The following SLIT3 variants were observed in gnomAD, a reference collection of about 807,000 sequenced individuals.
The protein encoded by SLIT3 is slit guidance ligand 3.
SLIT3 carries 68 observed loss-of-function variants against 184.0 expected under a neutral mutation model. The observed-to-expected ratio is 0.37, with a 90% CI of 0.30 to 0.45. The LOEUF (loss-of-function observed/expected upper bound fraction) is 0.45, where lower values mean the gene tolerates loss of function less well. Ranked by LOEUF, SLIT3 falls within the 20% of genes least tolerant of loss-of-function variation. The probability of loss-of-function intolerance (pLI) is 1.00; values close to 1 mark genes in which losing one functional copy is unlikely to be tolerated. For missense variants in SLIT3, 1,707 were observed against 2,026.0 expected (o/e 0.84, Z 3.02); for synonymous variants, 831 against 828.6 (o/e 1.00, Z -0.05).
At chr5:168,768,350 CGTG>C (rs1561922078) in intron 14 of SLIT3, 1 of 460,168 alleles carries the variant, frequency 2.2e-6, no homozygotes, top group Non-Finnish European at 4.4e-6. Context: ...CCCCACTGAG[CGTG>C]ATTAGTATCA....
chr5:169,031,295 T>C (rs897567555), intron 4 of SLIT3, among the ~76,000 whole-genome samples: 2 of 152,194 alleles, frequency 1.3e-5, no homozygotes, highest in Admixed American at 1.3e-4. Context: ...GTTGAGTTAC[T>C]ATGTGCTAAG....
At chr5:168,864,593 C>T (rs1238742154) in intron 5 of SLIT3, among the ~76,000 whole-genome samples, 1 of 152,206 alleles carries the variant, frequency 6.6e-6, no homozygotes, top group African/African-American at 2.4e-5. Context: ...TACCAATTGG[C>T]ATTCCCACCG....
At chr5:168,787,205 C>T (rs895994299) in intron 11 of SLIT3, among the ~76,000 whole-genome samples, 8 of 152,214 alleles carry the variant, frequency 5.3e-5, no homozygotes, top group African/African-American at 1.9e-4. Flanking sequence ...AATGCCCCAC[C>T]GCTCACTGTG....
At chr5:169,119,778 C>T (rs1198884993) in intron 4 of SLIT3, 2 of 152,198 alleles carry the variant, frequency 1.3e-5, no homozygotes, top group Non-Finnish European at 2.9e-5. Flanking sequence ...CAGCGCTCAC[C>T]TGAGTTGCTA....
chr5:169,237,700 T>G (rs1765252340), intron 3 of SLIT3, among the ~76,000 whole-genome samples: 1 of 152,210 alleles, frequency 6.6e-6, no homozygotes, highest in Admixed American at 6.5e-5. Flanking sequence ...CAGCTGTATA[T>G]CCTCTTCAAT....
chr5:168,892,726 T>C (rs1301312791), intron 4 of SLIT3, among the ~76,000 whole-genome samples: 2 of 152,254 alleles, frequency 1.3e-5, no homozygotes, highest in Admixed American at 1.3e-4. Context: ...GGAAGCTTTC[T>C]TCATTTAATT....
intron 4 of SLIT3, among the ~76,000 whole-genome samples, chr5:169,031,599 T>C (rs1317995538): frequency 6.6e-6 from 1 of 152,198 alleles, no homozygotes; most frequent in Non-Finnish European, 1.5e-5. Flanking sequence ...TCTGGCATGA[T>C]GCAGCAAGTG....
intron 4 of SLIT3, among the ~76,000 whole-genome samples, chr5:168,965,736 G>A (rs138343638): frequency 4.3e-4 from 66 of 152,254 alleles, no homozygotes; most frequent in African/African-American, 1.6e-3. Context: ...CTGTCTCTCC[G>A]AGGGCAAACT....
intron 3 of SLIT3, among the ~76,000 whole-genome samples, chr5:169,228,453 A>G (rs544636049): frequency 2.5e-4 from 38 of 152,334 alleles, no homozygotes; most frequent in Non-Finnish European, 2.9e-5. Context: ...TTCTCTAAGT[A>G]ATGACACGGG....
Position 168,814,623 on chromosome 5 carries a change from C to A in SLIT3, c.793+2677G>T, listed in dbSNP as rs116245755. Reference sequence around the variant, plus strand: ...CATGTTTCAACTGCACACTCACAGACTGAACCTTCCTCCACATTGCTTCCT... The same window carrying A: ...CATGTTTCAACTGCACACTCACAGAATGAACCTTCCTCCACATTGCTTCCT... On this transcript the variant is annotated intron_variant, in intron 8 of 35. Coordinates refer to ENST00000519560, the MANE Select transcript of SLIT3 (RefSeq NM_003062.4). 2.5e-3 allele frequency among the ~76,000 whole-genome samples: 378 copies of A among 152,338 alleles called. 2 individuals carry two copies. The highest frequency in any genetic ancestry group is 8.4e-3 in the African/African-American group (348 of 41,574).
intron 4 of SLIT3, among the ~76,000 whole-genome samples, chr5:169,135,071 C>A (rs1488967622): frequency 6.6e-6 from 1 of 152,192 alleles, no homozygotes; most frequent in African/African-American, 2.4e-5. Context: ...GTTTTCCCCT[C>A]TAACAAATGA....
intron 4 of SLIT3, among the ~76,000 whole-genome samples, chr5:168,990,746 C>T (rs1755289830): frequency 6.6e-6 from 1 of 152,162 alleles, no homozygotes; most frequent in South Asian, 2.1e-4. Flanking sequence ...GGTCCTGTCC[C>T]TCTTGGGTGG....
chr5:169,136,551 G>A (rs6881272), intron 4 of SLIT3, among the ~76,000 whole-genome samples: 50,732 of 152,046 alleles, frequency 0.33, 8,875 homozygotes, highest in Middle Eastern at 0.46. Context: ...TAGTCCCGTC[G>A]TGGGTCAGTC....
chr5:169,290,798 G>A (rs951401486), intron 1 of SLIT3, among the ~76,000 whole-genome samples: 1 of 151,316 alleles, frequency 6.6e-6, no homozygotes. Flanking sequence ...ACACGCTAGG[G>A]CATACACTGG....
At chr5:169,124,138 G>C (rs1178889614) in intron 4 of SLIT3, among the ~76,000 whole-genome samples, 1 of 152,000 alleles carries the variant, frequency 6.6e-6, no homozygotes, top group African/African-American at 2.4e-5. Flanking sequence ...TTTTTCTTCA[G>C]TTAATGTAAA....
intron 4 of SLIT3, among the ~76,000 whole-genome samples, chr5:168,944,668 G>T (rs1762420000): frequency 6.6e-6 from 1 of 152,086 alleles, no homozygotes; most frequent in Non-Finnish European, 1.5e-5. Context: ...ATGGAGTTAA[G>T]ATGCCAAAAC....
At chr5:169,003,884 C>T (rs62378634) in intron 4 of SLIT3, among the ~76,000 whole-genome samples, 5,383 of 152,162 alleles carry the variant, frequency 0.035, 123 homozygotes, top group Middle Eastern at 0.065. Flanking sequence ...GCAGCGTTCT[C>T]GCTGGAAGTG....
At chr5:169,027,492 T>G (rs1262225511) in intron 4 of SLIT3, among the ~76,000 whole-genome samples, 2 of 152,196 alleles carry the variant, frequency 1.3e-5, no homozygotes, top group East Asian at 3.9e-4. Context: ...ATTGTAGTGC[T>G]TAATCTGTTG....
chr5:169,208,107 T>A (rs913642354), intron 3 of SLIT3, among the ~76,000 whole-genome samples: 7 of 152,234 alleles, frequency 4.6e-5, no homozygotes, highest in Non-Finnish European at 7.3e-5. Context: ...AAGATCTGCC[T>A]CAAAGAATTC....
Sources: allele counts gnomAD v4.1 joint callset (sites outside exome capture counted in the v4.1 genomes callset), GRCh38; gene constraint gnomAD v4.1.1; transcripts MANE v1.5; gene names NCBI Gene and HGNC (gene_info 2026-07-23, HGNC 2026-07-21).